ADAMTS19: variants seen among roughly 807,000 people sequenced by gnomAD.
ADAMTS19 encodes the protein A disintegrin and metalloproteinase with thrombospondin motifs 19.
In ADAMTS19, 93 loss-of-function variants were observed where a neutral mutation model predicts 153.3. That is an observed-to-expected ratio of 0.61 (90% CI 0.51 to 0.72). The LOEUF (loss-of-function observed/expected upper bound fraction) is 0.72, where lower values mean the gene tolerates loss of function less well. Among genes scored for constraint, ADAMTS19 ranks in the 30% least tolerant of loss-of-function variants. ADAMTS19 has a pLI of 0.00. For synonymous variants in ADAMTS19, 600 were observed against 556.6 expected (o/e 1.08, Z -1.10); for missense variants, 1,482 against 1,552.1 (o/e 0.95, Z 0.76).
chr5:129,699,114 T>C (rs995747325), intron 19 of ADAMTS19, among the ~76,000 whole-genome samples: 4 of 151,716 alleles, frequency 2.6e-5, no homozygotes, highest in African/African-American at 9.7e-5. Flanking sequence ...GAGAGAAACA[T>C]AAATTCTATT....
At chr5:129,581,976 A>G (rs1324064345) in intron 7 of ADAMTS19, among the ~76,000 whole-genome samples, 1 of 151,154 alleles carries the variant, frequency 6.6e-6, no homozygotes. Flanking sequence ...GACTGTTTTG[A>G]TTTCCATTCT....
intron 10 of ADAMTS19, among the ~76,000 whole-genome samples, chr5:129,626,727 A>G (rs552589102): frequency 6.6e-6 from 1 of 152,256 alleles, no homozygotes; most frequent in Non-Finnish European, 1.5e-5. Flanking sequence ...CAGGCACTGT[A>G]TGAAGCACAA....
chr5:129,540,444 A>T (rs1307026042), intron 6 of ADAMTS19, among the ~76,000 whole-genome samples: 1 of 152,092 alleles, frequency 6.6e-6, no homozygotes, highest in Non-Finnish European at 1.5e-5. Context: ...CAATTTTCAC[A>T]TTTCTTATTG....
At chr5:129,462,101 C>T (rs1332203944) in intron 2 of ADAMTS19, among the ~76,000 whole-genome samples, 2 of 152,210 alleles carry the variant, frequency 1.3e-5, no homozygotes, top group African/African-American at 2.4e-5. Flanking sequence ...CACGTGATGT[C>T]TTTTAGGAAC....
intron 2 of ADAMTS19, among the ~76,000 whole-genome samples, chr5:129,465,310 T>TTG (rs1554084449): frequency 0.013 from 1,920 of 151,766 alleles, 44 homozygotes; most frequent in African/African-American, 0.043. Flanking sequence ...CACAATGTTT[T>TTG]TTTTTTTTTT....
chr5:129,462,679 C>T (rs1442713185), intron 2 of ADAMTS19, among the ~76,000 whole-genome samples: 1 of 152,000 alleles, frequency 6.6e-6, no homozygotes, highest in African/African-American at 2.4e-5. Flanking sequence ...TGTACAGGTA[C>T]GTGGCATTAA....
At chr5:129,628,083 AAATGTGGTACATATAC>A (rs1338286856) in intron 10 of ADAMTS19, among the ~76,000 whole-genome samples, 1 of 152,166 alleles carries the variant, frequency 6.6e-6, no homozygotes, top group Non-Finnish European at 1.5e-5. Context: ...TGGATAAAGA[AAATGTGGTACATATAC>A]ACTATGGAAT....
chr5:129,725,417 T>C (rs576228193), intron 21 of ADAMTS19, among the ~76,000 whole-genome samples: 13 of 152,176 alleles, frequency 8.5e-5, no homozygotes, highest in South Asian at 8.3e-4. Flanking sequence ...TGGAGTTGCA[T>C]GCATGCTCAC....
intron 16 of ADAMTS19, among the ~76,000 whole-genome samples, chr5:129,677,567 T>A (rs973363718): frequency 1.3e-5 from 2 of 152,112 alleles, no homozygotes; most frequent in African/African-American, 4.8e-5. Context: ...TCATAACCCA[T>A]CTGTTTTCTC....
chr5:129,505,130 G>A (rs998640170), intron 2 of ADAMTS19, among the ~76,000 whole-genome samples: 3 of 152,030 alleles, frequency 2.0e-5, no homozygotes, highest in Admixed American at 6.6e-5. Flanking sequence ...TTCTCAATAC[G>A]TATTTGTTCA....
intron 16 of ADAMTS19, among the ~76,000 whole-genome samples, chr5:129,678,755 C>T (rs1021461900): frequency 1.3e-5 from 2 of 152,010 alleles, no homozygotes; most frequent in Non-Finnish European, 2.9e-5. Context: ...TTCAGATATA[C>T]ACATAATTAG....
intron 7 of ADAMTS19, among the ~76,000 whole-genome samples, chr5:129,562,271 T>G (rs1189957108): frequency 1.3e-5 from 2 of 152,238 alleles, no homozygotes; most frequent in Non-Finnish European, 2.9e-5. Context: ...AAATATTTTT[T>G]AAATGTATAT....
chr5:129,690,709 A>G (rs1374326921), intron 18 of ADAMTS19, among the ~76,000 whole-genome samples: 2 of 152,166 alleles, frequency 1.3e-5, no homozygotes, highest in African/African-American at 4.8e-5. Flanking sequence ...AGATCTAGGA[A>G]GCGCTCAGAG....
At chr5:129,490,094 G>A (rs551410094) in intron 2 of ADAMTS19, among the ~76,000 whole-genome samples, 33 of 152,152 alleles carry the variant, frequency 2.2e-4, no homozygotes, top group Non-Finnish European at 4.1e-4. Context: ...AGGCAGATCT[G>A]AAAGAAAATG....
chr5:129,659,424 C>G (rs928561384), intron 15 of ADAMTS19, among the ~76,000 whole-genome samples: 1 of 152,190 alleles, frequency 6.6e-6, no homozygotes, highest in East Asian at 1.9e-4. Flanking sequence ...GCTTTATGTA[C>G]AGAAAATGCT....
chr5:129,731,264 AC>A (rs1757434148), intron 21 of ADAMTS19, among the ~76,000 whole-genome samples: 1 of 152,036 alleles, frequency 6.6e-6, no homozygotes, highest in African/African-American at 2.4e-5. Context: ...AGCCTAAGAT[AC>A]AATTTTGTAA....
At position 129,702,941 on chromosome 5, in the gene ADAMTS19, A is replaced by AAAAAAATATATATATAT; in HGVS notation, c.3160-1297_3160-1296insAAAAATATATATATATA. Among the ~76,000 whole-genome samples, 10 of 29,296 alleles carry AAAAAAATATATATATAT rather than the reference A, an allele frequency of 3.4e-4. No individual in the cohort carries two copies. The Admixed American group carries it at 3.7e-3, about 11-fold the overall frequency. The allele number at this position is 29,296 out of a possible 152,430, so 19.2% of individuals were successfully genotyped here. On this transcript the variant is annotated intron_variant, in intron 20 of 22. Transcript: ENST00000274487. The stretch of plus-strand genomic sequence containing the variant: ...TAGTTTGACTTGCCAAAAAAAAAAA[A>AAAAAAATATATATATAT]ATATATATATATATATATATATATA...
chr5:129,609,220 G>C (rs1352620910), intron 8 of ADAMTS19, among the ~76,000 whole-genome samples: 1 of 152,122 alleles, frequency 6.6e-6, no homozygotes, highest in Non-Finnish European at 1.5e-5. Flanking sequence ...ATACAGCCTT[G>C]GGCTTGAATT....
chr5:129,600,884 T>C (rs1209533492), intron 8 of ADAMTS19, among the ~76,000 whole-genome samples: 1 of 111,536 alleles, frequency 9.0e-6, no homozygotes, highest in East Asian at 2.6e-4. Flanking sequence ...TTATTATTAT[T>C]ATTGAGACGG....
Sources: allele counts gnomAD v4.1 joint callset (sites outside exome capture counted in the v4.1 genomes callset), GRCh38; gene constraint gnomAD v4.1.1; transcripts MANE v1.5; gene names NCBI Gene and HGNC (gene_info 2026-07-23, HGNC 2026-07-21).